CRB1: variants seen among roughly 807,000 people sequenced by gnomAD.
The protein encoded by CRB1 is crumbs cell polarity complex component 1, also known as protein crumbs homolog 1.
In CRB1, 83 loss-of-function variants were observed where a neutral mutation model predicts 120.0. The ratio of observed to expected loss-of-function variants is 0.69; its 90% CI spans 0.58 to 0.83. The LOEUF is 0.83. CRB1 is among the 40% of genes least tolerant of loss of function. The pLI is 0.00. For missense variants in CRB1, 1,699 were observed against 1,687.6 expected, an observed-to-expected ratio of 1.01 and a Z score of -0.12; for synonymous variants, 625 against 612.5, an observed-to-expected ratio of 1.02 and a Z score of -0.30.
chr1:197,344,326 GTT>G lies in CRB1; in HGVS notation c.700_701del (p.Leu234LysfsTer26). 6.2e-7 allele frequency: 1 copy of G among 1,614,188 alleles called. No individual in the cohort carries two copies. The highest frequency in any genetic ancestry group is 8.5e-7 in the Non-Finnish European group (1 of 1,180,028). The stretch of plus-strand genomic sequence containing the variant: ...ATTGACGAATGTTGGTCCCAGCCTT[GTT>G]TAAATGGTGCAACTTGTCAGGATGC... On this transcript the variant is annotated frameshift_variant, in exon 3 of 12. Transcript: ENST00000367400. LOFTEE classifies it high-confidence loss of function.
intron 5 of CRB1, among the ~76,000 whole-genome samples, chr1:197,418,916 C>A (rs1311915169): frequency 6.6e-6 from 1 of 152,172 alleles, no homozygotes; most frequent in Non-Finnish European, 1.5e-5. Flanking sequence ...TTACAGGACA[C>A]TACACATGCC....
chr1:197,348,588 T>C (rs2125335433), intron 4 of CRB1, among the ~76,000 whole-genome samples: 1 of 152,314 alleles, frequency 6.6e-6, no homozygotes, highest in Admixed American at 6.5e-5. Flanking sequence ...ACCATTTTCC[T>C]GCCTCAGCCT....
chr1:197,269,682 G>A (rs1654799560), intron 1 of CRB1, among the ~76,000 whole-genome samples: 1 of 152,110 alleles, frequency 6.6e-6, no homozygotes, highest in Non-Finnish European at 1.5e-5. Context: ...GTCATAAAAT[G>A]AATGTGAAGT....
chr1:197,356,053 T>C (rs1660464496), intron 4 of CRB1, among the ~76,000 whole-genome samples: 1 of 152,246 alleles, frequency 6.6e-6, no homozygotes, highest in Non-Finnish European at 1.5e-5. Context: ...ATCTATATTC[T>C]GAAATACTTG....
chr1:197,302,332 A>G (rs574549942), intron 1 of CRB1, among the ~76,000 whole-genome samples: 5 of 152,326 alleles, frequency 3.3e-5, no homozygotes, highest in Non-Finnish European at 7.4e-5. Context: ...GCATAATGCA[A>G]TGGTACACTT....
intron 5 of CRB1, among the ~76,000 whole-genome samples, chr1:197,389,750 A>G (rs1042313987): frequency 6.6e-6 from 1 of 152,120 alleles, no homozygotes; most frequent in Non-Finnish European, 1.5e-5. Context: ...CAGTTCATCA[A>G]TAGTTGTTTA....
chr1:197,379,621 A>AAAAC (rs1661840064), intron 5 of CRB1, among the ~76,000 whole-genome samples: 2 of 152,012 alleles, frequency 1.3e-5, no homozygotes, highest in African/African-American at 2.4e-5. Context: ...AAAAAAAAAA[A>AAAAC]AAAAAAAACC....
the CRB1 span, among the ~76,000 whole-genome samples, chr1:197,232,755 A>G: frequency 6.6e-6 from 1 of 152,172 alleles, no homozygotes; most frequent in Admixed American, 6.5e-5. Context: ...ATACTATCAC[A>G]GTAGGACTCT....
At chr1:197,391,571 G>A (rs1326434110) in intron 5 of CRB1, among the ~76,000 whole-genome samples, 1 of 152,132 alleles carries the variant, frequency 6.6e-6, no homozygotes, top group African/African-American at 2.4e-5. Flanking sequence ...AACAAGCAAA[G>A]CAAGCACCAT....
At chr1:197,434,123 A>G (rs1366087672) in intron 8 of CRB1, among the ~76,000 whole-genome samples, 1 of 152,202 alleles carries the variant, frequency 6.6e-6, no homozygotes, top group Non-Finnish European at 1.5e-5. Context: ...ACTTGGGTGT[A>G]GATACAGAAT....
the CRB1 span, among the ~76,000 whole-genome samples, chr1:197,252,544 A>ATT: frequency 3.9e-4 from 5 of 12,662 alleles, no homozygotes; most frequent in Non-Finnish European, 8.5e-4. Context: ...GATTTTATAT[A>ATT]TATATATATA....
chr1:197,477,780 A>T lies in CRB1; in HGVS notation c.4122A>T (p.Ala1374=), dbSNP rs1667263346. The T allele has an allele frequency of 6.2e-7, 1 of 1,613,764 alleles. No homozygotes were observed. Among genetic ancestry groups the T allele is most frequent in the African/African-American group, 1.3e-5 (1 of 74,880 alleles). ...VASVVTSNKR[A]TQGTYSPSRQ... is the part of the protein sequence containing the mutation. Reference sequence around the variant, plus strand: ...CTGTTGTCACCTCCAACAAAAGGGCAACTCAGGGAACCTACAGCCCCAGCC... The same window carrying T: ...CTGTTGTCACCTCCAACAAAAGGGCTACTCAGGGAACCTACAGCCCCAGCC... Residue 1374 remains alanine (A), a synonymous_variant, in exon 12 of 12, where the codon GCA becomes GCT. Transcript: ENST00000367400.
intron 11 of CRB1, among the ~76,000 whole-genome samples, chr1:197,447,923 G>A (rs1043068881): frequency 2.7e-5 from 4 of 149,942 alleles, no homozygotes; most frequent in South Asian, 2.1e-4. Flanking sequence ...TACTGTCTGT[G>A]CTGTATTCTG....
intron 3 of CRB1, 145 bp downstream of exon 3, chr1:197,344,621 T>C (rs1659666661): frequency 2.7e-6 from 2 of 752,352 alleles, no homozygotes; most frequent in South Asian, 3.3e-5. Context: ...AACATTCAGA[T>C]TTCACTAAAA....
chr1:197,327,132 A>AC (rs1658563213), intron 1 of CRB1, among the ~76,000 whole-genome samples: 5 of 148,776 alleles, frequency 3.4e-5, no homozygotes, highest in Non-Finnish European at 5.9e-5. Flanking sequence ...AAAAAAAAAA[A>AC]CAGAAACCAA....
At chr1:197,461,944 C>G (rs915487242) in intron 11 of CRB1, among the ~76,000 whole-genome samples, 4 of 152,096 alleles carry the variant, frequency 2.6e-5, no homozygotes, top group Non-Finnish European at 5.9e-5. Context: ...ATAGTTTTCT[C>G]AAGATAGAAA....
chr1:197,382,757 G>A (rs1274076721), intron 5 of CRB1, among the ~76,000 whole-genome samples: 1 of 152,202 alleles, frequency 6.6e-6, no homozygotes, highest in East Asian at 1.9e-4. Flanking sequence ...TTTATTAGGA[G>A]CAGACTCTGT....
At chr1:197,366,028 T>C (rs1299959586) in intron 5 of CRB1, among the ~76,000 whole-genome samples, 1 of 152,172 alleles carries the variant, frequency 6.6e-6, no homozygotes, top group East Asian at 1.9e-4. Flanking sequence ...ACTTGTGTTA[T>C]AGTAGTATAA....
At chr1:197,326,607 G>C (rs1193289272) in intron 1 of CRB1, among the ~76,000 whole-genome samples, 2 of 151,948 alleles carry the variant, frequency 1.3e-5, no homozygotes, top group East Asian at 3.9e-4. Flanking sequence ...CTCCAGCCTG[G>C]GCGACAGAGC....
Sources: gnomAD v4.1 joint callset for allele counts (sites outside exome capture counted in the v4.1 genomes callset) on GRCh38, gnomAD v4.1.1 for gene constraint, MANE v1.5 for transcripts, NCBI Gene and HGNC (gene_info 2026-07-23, HGNC 2026-07-21) for gene names.